Variants in SPMIP8 observed in about 807,000 individuals in gnomAD.
SPMIP8 encodes the protein testicular tissue protein Li 196.
the SPMIP8 span, chr16:57,987,877 G>C: frequency 6.3e-6 from 1 of 158,510 alleles, no homozygotes; most frequent in African/African-American, 2.4e-5. Context: ...GCTATTTTTA[G>C]GTGCCTTTTT....
the SPMIP8 span, chr16:57,984,905 C>T: frequency 6.9e-7 from 1 of 1,444,130 alleles, no homozygotes. Context: ...AGGCGGCGGG[C>T]CAGGCAGAAA....
chr16:57,985,113 CG>C, the SPMIP8 span: 1 of 1,121,920 alleles, frequency 8.9e-7, no homozygotes, highest in African/African-American at 2.2e-5. Flanking sequence ...GGATTGTGGG[CG>C]GGGCTGGATT....
At chr16:57,985,952 G>C in the SPMIP8 span, 2 of 1,608,700 alleles carry the variant, frequency 1.2e-6, no homozygotes, top group South Asian at 2.2e-5. Flanking sequence ...GTAGGGGAAC[G>C]GTCCTGTCCC....
the SPMIP8 span, among the ~76,000 whole-genome samples, chr16:57,981,616 AT>A: frequency 1.5e-5 from 2 of 136,146 alleles, no homozygotes; most frequent in African/African-American, 5.8e-5. Flanking sequence ...GGTTCAAGTG[AT>A]TCTCCTGCCT....
chr16:57,984,603 G>A, the SPMIP8 span: 1 of 1,519,114 alleles, frequency 6.6e-7, no homozygotes, highest in Non-Finnish European at 8.8e-7. Context: ...TGCGGCTACG[G>A]CCGCGCGGGC....
chr16:57,978,946 AGAG>A, the SPMIP8 span, among the ~76,000 whole-genome samples: 3 of 152,182 alleles, frequency 2.0e-5, no homozygotes, highest in African/African-American at 7.2e-5. Flanking sequence ...AGAACTGGGC[AGAG>A]GTTGACAGGT....
At chr16:57,984,627 C>T in the SPMIP8 span, 1 of 1,564,694 alleles carries the variant, frequency 6.4e-7, no homozygotes, top group Non-Finnish European at 8.7e-7. Context: ...ACCCCCGTGG[C>T]CCTGTCAGGA....
chr16:57,987,486 C>T, the SPMIP8 span: 24 of 1,545,482 alleles, frequency 1.6e-5, no homozygotes, highest in Non-Finnish European at 2.0e-5. Context: ...GTCCCCTGGC[C>T]AGACAGAGGA....
the SPMIP8 span, chr16:57,985,128 G>A: frequency 1.4e-6 from 2 of 1,385,282 alleles, no homozygotes; most frequent in Non-Finnish European, 1.9e-6. Context: ...CTGGATTGTG[G>A]GCGGGGCTTA....
chr16:57,984,425 GT>G, the SPMIP8 span: 1 of 1,561,384 alleles, frequency 6.4e-7, no homozygotes, highest in East Asian at 2.3e-5. Context: ...AGCACCTCTG[GT>G]CCTGGGATCT....
chr16:57,978,186 T>C, the SPMIP8 span: 2 of 851,956 alleles, frequency 2.3e-6, no homozygotes, highest in Non-Finnish European at 3.6e-6. Flanking sequence ...CTCTGTTTAC[T>C]GCTCAGTACA....
the SPMIP8 span, among the ~76,000 whole-genome samples, chr16:57,983,207 T>C: frequency 6.6e-6 from 1 of 152,014 alleles, no homozygotes; most frequent in South Asian, 2.1e-4. Context: ...AGCCTTAAAC[T>C]CCTGGGCTCA....
the SPMIP8 span, among the ~76,000 whole-genome samples, chr16:57,980,050 C>T: frequency 1.3e-5 from 2 of 152,036 alleles, no homozygotes; most frequent in Non-Finnish European, 2.9e-5. Context: ...GGTGACAGAG[C>T]GAGACTCCAT....
the SPMIP8 span, chr16:57,985,530 C>T: frequency 8.1e-6 from 13 of 1,606,100 alleles, no homozygotes; most frequent in Middle Eastern, 1.7e-4. Flanking sequence ...ACAGAAGCCC[C>T]TGCCTTTCGA....
At chr16:57,978,365 C>G in the SPMIP8 span, among the ~76,000 whole-genome samples, 7 of 152,048 alleles carry the variant, frequency 4.6e-5, no homozygotes, top group South Asian at 2.1e-4. Flanking sequence ...CATGGTGAAA[C>G]CCCATCTCTA....
the SPMIP8 span, among the ~76,000 whole-genome samples, chr16:57,977,127 T>A: frequency 3.3e-5 from 5 of 152,190 alleles, no homozygotes; most frequent in South Asian, 1.0e-3. Flanking sequence ...AAGAATAGAC[T>A]CGCCAGGCAA....
chr16:57,985,423 G>A, the SPMIP8 span: 1 of 1,613,080 alleles, frequency 6.2e-7, no homozygotes. Flanking sequence ...TGTGGGGCGT[G>A]GGCAGGGCGT....
At chr16:57,985,824 A>G in the SPMIP8 span, 1 of 1,497,346 alleles carries the variant, frequency 6.7e-7, no homozygotes, top group South Asian at 1.3e-5. Context: ...TGGCGGGGAG[A>G]GGGGGTGGCT....
chr16:57,984,645 G>A, the SPMIP8 span: 2 of 1,583,514 alleles, frequency 1.3e-6, no homozygotes, highest in African/African-American at 2.7e-5. Context: ...GGACATCACC[G>A]CCACAGGCCA....
Sources: gnomAD v4.1 joint callset for allele counts (sites outside exome capture counted in the v4.1 genomes callset) on GRCh38, gnomAD v4.1.1 for gene constraint, MANE v1.5 for transcripts, NCBI Gene and HGNC (gene_info 2026-07-23, HGNC 2026-07-21) for gene names.